Variants in IL1RAPL1 observed in about 807,000 individuals in gnomAD.
IL1RAPL1 encodes the protein interleukin-1 receptor accessory protein-like 1.
IL1RAPL1 carries 3 observed loss-of-function variants against 48.4 expected under a neutral mutation model. That is an observed-to-expected ratio of 0.06 (90% CI 0.03 to 0.16). The LOEUF (loss-of-function observed/expected upper bound fraction) is 0.16. Among genes scored for constraint, IL1RAPL1 ranks in the 10% least tolerant of loss-of-function variants. IL1RAPL1 has a pLI of 1.00. For missense variants in IL1RAPL1, 349 were observed against 530.6 expected (o/e 0.66, Z 3.36); for synonymous variants, 185 against 187.7 (o/e 0.99, Z 0.12).
chrX:29,615,088 C>T (rs149106093), intron 5 of IL1RAPL1, among the ~76,000 whole-genome samples: 2,494 of 112,090 alleles, frequency 0.022, 65 homozygotes, highest in African/African-American at 0.077. Context: ...TTAATCACTA[C>T]CTCCAACAAC....
intron 2 of IL1RAPL1, among the ~76,000 whole-genome samples, chrX:29,004,323 G>A (rs182409524): frequency 9.8e-5 from 11 of 112,428 alleles, no homozygotes. Context: ...AGTTTCATGT[G>A]TATACTCTAA....
intron 2 of IL1RAPL1, among the ~76,000 whole-genome samples, chrX:29,193,062 C>T (rs1364032243): frequency 2.7e-5 from 3 of 110,768 alleles, no homozygotes; most frequent in Non-Finnish European, 5.7e-5. Context: ...TGCTTATAAA[C>T]ATTCTTCATA....
chrX:29,110,920 T>C (rs1270923960), intron 2 of IL1RAPL1, among the ~76,000 whole-genome samples: 1 of 111,435 alleles, frequency 9.0e-6, no homozygotes, highest in Non-Finnish European at 1.9e-5. Flanking sequence ...ATAAAAATCC[T>C]CCTGCATCCC....
At chrX:28,702,328 T>A (rs1293441189) in intron 1 of IL1RAPL1, among the ~76,000 whole-genome samples, 3 of 111,951 alleles carry the variant, frequency 2.7e-5, no homozygotes, top group African/African-American at 9.7e-5. Flanking sequence ...ATAATATTAG[T>A]AGAAATTTAA....
intron 1 of IL1RAPL1, among the ~76,000 whole-genome samples, chrX:28,589,455 G>A (rs1247111729): frequency 6.3e-5 from 7 of 110,854 alleles, no homozygotes; most frequent in South Asian, 3.9e-4. Flanking sequence ...AGTGAGTTTC[G>A]GAGGGACATC....
chrX:29,189,003 A>G (rs1453256853), intron 2 of IL1RAPL1, among the ~76,000 whole-genome samples: 3 of 112,248 alleles, frequency 2.7e-5, no homozygotes, highest in Non-Finnish European at 5.6e-5. Flanking sequence ...GTGAGCCATA[A>G]GAAGGGAACA....
At chrX:28,623,156 A>G (rs1307978929) in intron 1 of IL1RAPL1, among the ~76,000 whole-genome samples, 3 of 110,460 alleles carry the variant, frequency 2.7e-5, no homozygotes, top group Non-Finnish European at 5.7e-5. Context: ...TGTGGCACTT[A>G]TGCTAAAGTT....
chrX:29,740,733 T>A (rs1928176265), intron 6 of IL1RAPL1, among the ~76,000 whole-genome samples: 1 of 111,718 alleles, frequency 9.0e-6, no homozygotes, highest in African/African-American at 3.3e-5. Flanking sequence ...AACTCAACAT[T>A]TTGCATATGA....
In IL1RAPL1 at chrX:28,795,737, A is replaced by C. The variant is rs1000152538; in HGVS notation, c.82+6312A>C. Reference sequence around the variant, plus strand: ...AATAAGTAATAATATTCAAAGTATCATAAGTATATAAGTGTGGTACTGTAT... The same window carrying C: ...AATAAGTAATAATATTCAAAGTATCCTAAGTATATAAGTGTGGTACTGTAT... On this transcript the variant is annotated intron_variant, in intron 2 of 10. Transcript: ENST00000378993. Among the ~76,000 whole-genome samples, 4 of 110,950 alleles carry C rather than the reference A, an allele frequency of 3.6e-5. No individual in the cohort carries two copies. The East Asian group carries it at 1.1e-3, about 31-fold the overall frequency.
At chrX:28,950,614 C>A (rs747018480) in intron 2 of IL1RAPL1, among the ~76,000 whole-genome samples, 3 of 106,350 alleles carry the variant, frequency 2.8e-5, no homozygotes, top group South Asian at 8.8e-4. Flanking sequence ...CTTTTATTTC[C>A]TTGAGCAGTG....
At chrX:29,098,784 CT>C (rs1203748763) in intron 2 of IL1RAPL1, among the ~76,000 whole-genome samples, 1 of 112,498 alleles carries the variant, frequency 8.9e-6, no homozygotes, top group East Asian at 2.8e-4. Context: ...ATGTTTAGTC[CT>C]TTTTTTCTCA....
intron 1 of IL1RAPL1, among the ~76,000 whole-genome samples, chrX:28,673,173 G>A (rs1246502024): frequency 3.6e-5 from 4 of 111,910 alleles, no homozygotes; most frequent in East Asian, 5.7e-4. Flanking sequence ...ACAGAATAGA[G>A]GACCCGGAAA....
At chrX:29,292,374 C>T (rs1932383905) in intron 3 of IL1RAPL1, among the ~76,000 whole-genome samples, 1 of 111,363 alleles carries the variant, frequency 9.0e-6, no homozygotes. Flanking sequence ...CCTTTACTGT[C>T]ACCTGGTGGA....
intron 6 of IL1RAPL1, among the ~76,000 whole-genome samples, chrX:29,874,960 C>A (rs953435600): frequency 8.0e-5 from 9 of 111,880 alleles, no homozygotes; most frequent in African/African-American, 2.9e-4. Context: ...GTTTCTGTTA[C>A]AAAGAATGCA....
rs766489915 is a variant in IL1RAPL1 at position 28,851,111 on chromosome X, C to T, written c.82+61686C>T. On this transcript the variant is annotated intron_variant, in intron 2 of 10. Transcript: ENST00000378993. ...ATTATGCAATTTTGTAACAGAGGCTCAGGCTGGAGTTAAGGACTCACACTT... is the reference window on the plus strand; with the variant it reads ...ATTATGCAATTTTGTAACAGAGGCTTAGGCTGGAGTTAAGGACTCACACTT... Among the ~76,000 whole-genome samples, 22 of 104,988 alleles carry T rather than the reference C, an allele frequency of 2.1e-4. 1 individual carries two copies. The East Asian group carries it at 6.0e-3, about 28-fold the overall frequency. 91.2% of individuals were successfully genotyped at this position (104,988 alleles called of 115,157 possible).
chrX:28,817,064 C>T (rs1179478231), intron 2 of IL1RAPL1, among the ~76,000 whole-genome samples: 1 of 109,757 alleles, frequency 9.1e-6, no homozygotes, highest in African/African-American at 3.3e-5. Context: ...GATATATAAA[C>T]CTAAGATAAA....
intron 5 of IL1RAPL1, among the ~76,000 whole-genome samples, chrX:29,649,062 A>G (rs1207545839): frequency 8.9e-6 from 1 of 111,840 alleles, no homozygotes; most frequent in Non-Finnish European, 1.9e-5. Context: ...ACATTGAATT[A>G]TGAAGAAATA....
At chrX:29,020,853 T>C (rs1279498560) in intron 2 of IL1RAPL1, among the ~76,000 whole-genome samples, 1 of 112,158 alleles carries the variant, frequency 8.9e-6, no homozygotes, top group Non-Finnish European at 1.9e-5. Flanking sequence ...TTTAACCAGT[T>C]TTCAATTTTC....
chrX:28,653,314 A>G (rs1169514491), intron 1 of IL1RAPL1, among the ~76,000 whole-genome samples: 2 of 110,640 alleles, frequency 1.8e-5, no homozygotes, highest in East Asian at 5.7e-4. Context: ...GTCTCTACTA[A>G]AAATACAAAA....
Sources: allele counts gnomAD v4.1 joint callset (sites outside exome capture counted in the v4.1 genomes callset), GRCh38; gene constraint gnomAD v4.1.1; transcripts MANE v1.5; gene names NCBI Gene and HGNC (gene_info 2026-07-23, HGNC 2026-07-21).